The following ZNF568 variants were observed in gnomAD, a reference collection of about 807,000 sequenced individuals.
ZNF568 encodes zinc finger protein 568.
Under a neutral mutation model 18.1 loss-of-function variants are expected in ZNF568, and 11 were observed. That is an observed-to-expected ratio of 0.61 (90% CI 0.38 to 1.00). The LOEUF is 1.00. Among genes scored for constraint, ZNF568 ranks in the 50% least tolerant of loss-of-function variants. The pLI, the probability that ZNF568 is intolerant of heterozygous loss-of-function variation, is 0.01. For synonymous variants in ZNF568, 213 were observed against 246.6 expected (o/e 0.86, Z 1.28); for missense variants, 639 against 768.2 (o/e 0.83, Z 1.99).
intron 6 of ZNF568, among the ~76,000 whole-genome samples, chr19:36,960,697 C>T (rs58864225): frequency 6.6e-6 from 1 of 150,932 alleles, no homozygotes; most frequent in Non-Finnish European, 1.5e-5. Context: ...CATTGCACTC[C>T]AGCCTGGGCA....
intron 6 of ZNF568, among the ~76,000 whole-genome samples, chr19:36,970,136 C>T (rs1386367184): frequency 8.0e-6 from 1 of 124,558 alleles, no homozygotes; most frequent in Non-Finnish European, 1.7e-5. Context: ...TTCACAGGTT[C>T]TGGGGGTTAG....
chr19:36,940,389 G>A (rs1214111477), intron 6 of ZNF568, among the ~76,000 whole-genome samples: 4 of 152,022 alleles, frequency 2.6e-5, no homozygotes, highest in African/African-American at 9.7e-5. Flanking sequence ...TCTATTACAC[G>A]TCTACCAGAG....
At chr19:36,990,440 C>T (rs1326216983) in intron 2 of ZNF568, among the ~76,000 whole-genome samples, 1 of 152,126 alleles carries the variant, frequency 6.6e-6, no homozygotes, top group African/African-American at 2.4e-5. Flanking sequence ...CATGGGGAAA[C>T]TCTGTCTGTA....
chr19:36,958,302 G>A (rs1257982763), intron 6 of ZNF568, among the ~76,000 whole-genome samples: 1 of 152,032 alleles, frequency 6.6e-6, no homozygotes, highest in Non-Finnish European at 1.5e-5. Flanking sequence ...ACTGAGTTAG[G>A]GAATATTTCC....
intron 4 of ZNF568, among the ~76,000 whole-genome samples, chr19:36,930,213 CT>C (rs35298028): frequency 0.2 from 28,707 of 142,162 alleles, 2,752 homozygotes; most frequent in African/African-American, 0.29. Flanking sequence ...GATGCAATTT[CT>C]TTTTTTTTTT....
chr19:36,947,392 G>C (rs1170606060), intron 6 of ZNF568, among the ~76,000 whole-genome samples: 1 of 152,122 alleles, frequency 6.6e-6, no homozygotes, highest in East Asian at 1.9e-4. Context: ...CTATGTGTAG[G>C]TACATGCCAG....
In ZNF568 at chr19:36,986,662, T is replaced by A. The variant is rs573719637; in HGVS notation, c.10-4514T>A. Among the ~76,000 whole-genome samples, 75 of 152,106 alleles carry A rather than the reference T, an allele frequency of 4.9e-4. 1 individual carries two copies. Among genetic ancestry groups the A allele is most frequent in the Non-Finnish European group, 1.0e-3 (68 of 68,032 alleles). ...CGTGACTGAGCTTTTTAAGAGGAAA[T>A]GCATGCTAGGTAAGAGTTATCTGCG... On this transcript the variant is annotated intron_variant, in intron 2 of 4. Coordinates refer to the ZNF568 transcript ENST00000433993.
intron 6 of ZNF568, among the ~76,000 whole-genome samples, chr19:36,969,821 G>T (rs1418767110): frequency 3.4e-5 from 3 of 88,968 alleles, no homozygotes; most frequent in East Asian, 3.1e-4. Context: ...TTGAGATCAA[G>T]TCTCACTCTG....
chr19:36,947,173 G>A (rs1247195922), intron 6 of ZNF568, among the ~76,000 whole-genome samples: 1 of 151,770 alleles, frequency 6.6e-6, no homozygotes, highest in Admixed American at 6.6e-5. Context: ...GTACCACCAC[G>A]CCCAGCTAAT....
chr19:36,938,991 C>T (rs2073835012), intron 6 of ZNF568, among the ~76,000 whole-genome samples: 1 of 152,128 alleles, frequency 6.6e-6, no homozygotes, highest in African/African-American at 2.4e-5. Flanking sequence ...GTATTTCCTG[C>T]TGTAGCCACT....
intron 4 of ZNF568, among the ~76,000 whole-genome samples, chr19:36,993,085 A>C (rs941110295): frequency 3.5e-4 from 53 of 152,220 alleles, no homozygotes; most frequent in African/African-American, 1.2e-3. Context: ...TTGTATGACT[A>C]AAGCTGCTAT....
chr19:36,942,319 G>A (rs1487242566), intron 6 of ZNF568, among the ~76,000 whole-genome samples: 3 of 151,842 alleles, frequency 2.0e-5, no homozygotes, highest in Non-Finnish European at 4.4e-5. Flanking sequence ...AGATAAAGGA[G>A]CTGGTCGCGG....
intron 6 of ZNF568, among the ~76,000 whole-genome samples, chr19:36,958,335 G>T (rs1376431414): frequency 1.3e-5 from 2 of 152,070 alleles, no homozygotes; most frequent in Non-Finnish European, 2.9e-5. Context: ...AGAGGGTAGA[G>T]AATTGATAAA....
chr19:36,994,182 G>T (rs1244296687), intron 4 of ZNF568, among the ~76,000 whole-genome samples: 1 of 151,912 alleles, frequency 6.6e-6, no homozygotes, highest in Non-Finnish European at 1.5e-5. Flanking sequence ...TTATTTAGGA[G>T]TATGTTATTT....
Position 36,951,188 on chromosome 19 carries a change from G to A in ZNF568, c.*100G>A, listed in dbSNP as rs2074055027. The A allele has an allele frequency of 2.5e-6, 3 of 1,180,594 alleles. No individual in the cohort carries two copies. The highest frequency in any genetic ancestry group is 3.9e-5 in the South Asian group (2 of 50,798). 73.1% of individuals were successfully genotyped at this position (1,180,594 alleles called of 1,614,324 possible). Reference sequence around the variant, plus strand: ...CTTTATGGAAAAATTTTAATACTTTGTTAAAAGGTGTAAGACTGGAATAAA... The same window carrying A: ...CTTTATGGAAAAATTTTAATACTTTATTAAAAGGTGTAAGACTGGAATAAA... On this transcript the variant is annotated 3_prime_UTR_variant, in exon 7 of 7. Transcript: ENST00000333987.
chr19:36,965,109 A>C (rs2074184672), intron 6 of ZNF568, among the ~76,000 whole-genome samples: 1 of 152,176 alleles, frequency 6.6e-6, no homozygotes, highest in Non-Finnish European at 1.5e-5. Flanking sequence ...GATTATTGCT[A>C]TGGTTTGAAT....
At chr19:36,997,480 G>A (rs2146355302), downstream of ZNF568, 1 of 1,588,390 alleles carries the variant, frequency 6.3e-7, no homozygotes, top group Non-Finnish European at 8.5e-7. Flanking sequence ...TAAGGAATGT[G>A]GGAAGGCTTT....
chr19:36,921,460 CAAAA>C (rs909359163), intron 2 of ZNF568, among the ~76,000 whole-genome samples: 1 of 123,866 alleles, frequency 8.1e-6, no homozygotes, highest in Non-Finnish European at 1.7e-5. Flanking sequence ...AAACTCCATC[CAAAA>C]AAAAAAAAGA....
At chr19:36,956,737 C>T (rs1334160609), downstream of ZNF568, among the ~76,000 whole-genome samples, 3 of 151,938 alleles carry the variant, frequency 2.0e-5, no homozygotes, top group South Asian at 2.1e-4. Context: ...GCTGGGATTA[C>T]AGGTGTGCAC....
Sources: gnomAD v4.1 joint callset for allele counts (sites outside exome capture counted in the v4.1 genomes callset) on GRCh38, gnomAD v4.1.1 for gene constraint, MANE v1.5 for transcripts, NCBI Gene and HGNC (gene_info 2026-07-23, HGNC 2026-07-21) for gene names.